The following GPC6 variants were observed in gnomAD, a reference collection of about 807,000 sequenced individuals.
The protein encoded by GPC6 is glypican-6.
In GPC6, 14 loss-of-function variants were observed where a neutral mutation model predicts 55.2. The ratio of observed to expected loss-of-function variants is 0.25; its 90% confidence interval spans 0.17 to 0.40. The LOEUF (loss-of-function observed/expected upper bound fraction) is 0.40, where lower values mean the gene tolerates loss of function less well. GPC6 is among the 10% of genes least tolerant of loss of function. The pLI, the probability that GPC6 is intolerant of heterozygous loss-of-function variation, is 1.00. For missense variants in GPC6, 641 were observed against 708.5 expected (o/e 0.90, Z 1.08); for synonymous variants, 278 against 259.6 (o/e 1.07, Z -0.68).
At chr13:93,225,795 G>T (rs1437103590), upstream of GPC6, among the ~76,000 whole-genome samples, 1 of 152,114 alleles carries the variant, frequency 6.6e-6, no homozygotes, top group Non-Finnish European at 1.5e-5. Flanking sequence ...AGCTTCATAG[G>T]TGAGCTCCAC....
intron 5 of GPC6, among the ~76,000 whole-genome samples, chr13:94,298,533 T>TCTGAGCC (rs1384226160): frequency 6.6e-6 from 1 of 152,156 alleles, no homozygotes; most frequent in Non-Finnish European, 1.5e-5. Flanking sequence ...TTGCCTGAGC[T>TCTGAGCC]CTGAGCCCAG....
At chr13:94,294,148 G>T (rs1875190924) in intron 5 of GPC6, among the ~76,000 whole-genome samples, 1 of 152,152 alleles carries the variant, frequency 6.6e-6, no homozygotes, top group Admixed American at 6.5e-5. Context: ...TTGAATTTCA[G>T]ATGTGTTGAT....
chr13:94,164,111 C>T (rs1202444730), intron 4 of GPC6, among the ~76,000 whole-genome samples: 1 of 152,114 alleles, frequency 6.6e-6, no homozygotes, highest in African/African-American at 2.4e-5. Flanking sequence ...CTGGTTGGAG[C>T]CTTAACTTCA....
At chr13:94,034,390 T>C (rs889457185) in intron 4 of GPC6, among the ~76,000 whole-genome samples, 5 of 152,192 alleles carry the variant, frequency 3.3e-5, no homozygotes, top group African/African-American at 1.2e-4. Context: ...ATAGGGTTAA[T>C]GCCTTAAGGT....
intron 4 of GPC6, among the ~76,000 whole-genome samples, chr13:94,199,290 T>C (rs1303427152): frequency 2.0e-5 from 3 of 152,242 alleles, no homozygotes; most frequent in Non-Finnish European, 4.4e-5. Context: ...TTTTATTAGT[T>C]AATTTGCTAA....
At chr13:93,804,913 C>G (rs1197265483) in intron 2 of GPC6, among the ~76,000 whole-genome samples, 1 of 152,182 alleles carries the variant, frequency 6.6e-6, no homozygotes, top group Non-Finnish European at 1.5e-5. Flanking sequence ...TCCATCCTAG[C>G]AGAGCTGTTA....
chr13:93,263,566 T>C (rs1327183245), intron 1 of GPC6, among the ~76,000 whole-genome samples: 4 of 152,066 alleles, frequency 2.6e-5, no homozygotes, highest in South Asian at 4.1e-4. Context: ...GATTTCACCA[T>C]GTTGGGCAGG....
chr13:93,524,895 T>G (rs1881589169), intron 1 of GPC6, among the ~76,000 whole-genome samples: 1 of 152,100 alleles, frequency 6.6e-6, no homozygotes, highest in South Asian at 2.1e-4. Flanking sequence ...TTAGCTGTAA[T>G]AATTCTGCAG....
chr13:94,262,271 A>G (rs1007814853), intron 4 of GPC6, among the ~76,000 whole-genome samples: 14 of 152,122 alleles, frequency 9.2e-5, no homozygotes, highest in African/African-American at 3.4e-4. Context: ...CAGCGGGTCT[A>G]CACTGATGCC....
At chr13:94,297,826 G>A (rs1431171598) in intron 5 of GPC6, among the ~76,000 whole-genome samples, 2 of 152,054 alleles carry the variant, frequency 1.3e-5, no homozygotes, top group African/African-American at 4.8e-5. Flanking sequence ...AACCCATCCA[G>A]GGACATAGAG....
chr13:94,036,704 A>C (rs1883346197), intron 4 of GPC6, among the ~76,000 whole-genome samples: 1 of 152,030 alleles, frequency 6.6e-6, no homozygotes, highest in Non-Finnish European at 1.5e-5. Flanking sequence ...GAGTTTTCAG[A>C]CTGAATGAAT....
intron 4 of GPC6, among the ~76,000 whole-genome samples, chr13:94,081,316 T>C (rs887909083): frequency 2.0e-5 from 3 of 152,152 alleles, no homozygotes; most frequent in East Asian, 1.9e-4. Flanking sequence ...TCCTAAACTA[T>C]TTTTTTACCA....
rs139364855 is a variant in GPC6 at position 93,779,323 on chromosome 13, C to G, written c.320-50831C>G. On this transcript the variant is annotated intron_variant, in intron 2 of 8. Coordinates refer to ENST00000377047, the MANE Select transcript of GPC6 (RefSeq NM_005708.5). ...TTTGTATAAGAAAAATAATTTACAT[C>G]CAAAATAGCCTTCTAACATACTTGA... Among the ~76,000 whole-genome samples the G allele has an allele frequency of 7.2e-5, 11 of 152,226 alleles. No individual in the cohort carries two copies. In the East Asian group the frequency reaches 2.1e-3, roughly 29 times the overall value.
At chr13:94,369,761 G>A (rs1879454388) in intron 6 of GPC6, among the ~76,000 whole-genome samples, 1 of 151,960 alleles carries the variant, frequency 6.6e-6, no homozygotes, top group African/African-American at 2.4e-5. Context: ...TCTTGCTCTG[G>A]GGGTAATCGG....
At chr13:93,446,355 G>A (rs1008204277) in intron 1 of GPC6, among the ~76,000 whole-genome samples, 5 of 151,992 alleles carry the variant, frequency 3.3e-5, no homozygotes, top group African/African-American at 4.8e-5. Flanking sequence ...GTGTCTTGCT[G>A]CACCACTGAG....
chr13:93,698,035 C>T (rs996245481), intron 2 of GPC6, among the ~76,000 whole-genome samples: 2 of 152,108 alleles, frequency 1.3e-5, no homozygotes, highest in Non-Finnish European at 2.9e-5. Context: ...GTCAAATATC[C>T]TAAAGTGGAG....
At position 93,864,341 on chromosome 13, in the gene GPC6, G is replaced by A. The variant is rs61964365; in HGVS notation, c.711+33796G>A. 1.4e-4 allele frequency among the ~76,000 whole-genome samples: 21 copies of A among 151,816 alleles called. 1 individual carries two copies. The highest frequency in any genetic ancestry group is 2.7e-4 in the Non-Finnish European group (18 of 67,788). On this transcript the variant is annotated intron_variant, in intron 3 of 8. Transcript: ENST00000377047. ...ACCCAGTGCTGCTGCAACTGCTGTT[G>A]CATTAAATGATTGTTCTACACTATT...
At chr13:93,861,720 A>G (rs1265357608) in intron 3 of GPC6, among the ~76,000 whole-genome samples, 2 of 151,692 alleles carry the variant, frequency 1.3e-5, no homozygotes, top group African/African-American at 4.8e-5. Context: ...AGCACAAAGT[A>G]GAGAACTATT....
At chr13:94,017,628 T>C (rs1051653757) in intron 3 of GPC6, among the ~76,000 whole-genome samples, 8 of 152,108 alleles carry the variant, frequency 5.3e-5, no homozygotes, top group African/African-American at 1.9e-4. Context: ...AAACCATATG[T>C]TATAGGATCA....
Sources: allele counts gnomAD v4.1 joint callset (sites outside exome capture counted in the v4.1 genomes callset), GRCh38; gene constraint gnomAD v4.1.1; transcripts MANE v1.5; gene names NCBI Gene and HGNC (gene_info 2026-07-23, HGNC 2026-07-21).